TUT7: variants seen among roughly 807,000 people sequenced by gnomAD.
TUT7 encodes the protein terminal uridylyltransferase 7.
In TUT7, 33 loss-of-function variants were observed where a neutral mutation model predicts 165.9. The observed-to-expected ratio is 0.20, with a 90% CI of 0.15 to 0.27. The LOEUF is 0.27. Ranked by LOEUF, TUT7 falls within the 10% of genes least tolerant of loss-of-function variation. TUT7 has a pLI of 1.00. For missense variants in TUT7, 1,338 were observed against 1,762.3 expected (o/e 0.76, Z 4.31); for synonymous variants, 552 against 608.1 (o/e 0.91, Z 1.36).
intron 5 of TUT7, 162 bp downstream of exon 5, chr9:86,344,815 T>C (rs955689489): frequency 1.6e-6 from 1 of 642,704 alleles, no homozygotes; most frequent in Non-Finnish European, 2.6e-6. Flanking sequence ...AAGTCCTTGT[T>C]ACCTTAGGGA....
At chr9:86,289,026 C>G (rs1825721909) in intron 26 of TUT7, among the ~76,000 whole-genome samples, 1 of 152,156 alleles carries the variant, frequency 6.6e-6, no homozygotes, top group Non-Finnish European at 1.5e-5. Flanking sequence ...GTACAGAGCA[C>G]CAGACGAACT....
At chr9:86,324,968 A>G (rs527546517) in intron 12 of TUT7, among the ~76,000 whole-genome samples, 2 of 152,364 alleles carry the variant, frequency 1.3e-5, no homozygotes, top group South Asian at 4.1e-4. Flanking sequence ...AACAACTTCA[A>G]CAATCCACAA....
At chr9:86,339,336 G>A (rs896040030) in intron 8 of TUT7, among the ~76,000 whole-genome samples, 1 of 152,096 alleles carries the variant, frequency 6.6e-6, no homozygotes, top group Non-Finnish European at 1.5e-5. Flanking sequence ...ACCATCCTGG[G>A]TGAAACCCTG....
At chr9:86,299,075 G>A (rs1826639801) in intron 26 of TUT7, among the ~76,000 whole-genome samples, 1 of 152,110 alleles carries the variant, frequency 6.6e-6, no homozygotes. Flanking sequence ...GTCAGCCAGA[G>A]GAAGGAGGGC....
chr9:86,304,771 A>G, intron 24 of TUT7, 85 bp downstream of exon 24: 1 of 839,014 alleles, frequency 1.2e-6, no homozygotes, highest in Non-Finnish European at 1.9e-6. Flanking sequence ...AGACTTTCTA[A>G]ATATTTAAGT....
rs762127904 is a variant in TUT7 at position 86,323,850 on chromosome 9, T to C, written c.1900A>G (p.Lys634Glu). Residue 634 changes from lysine (K) to glutamate (E), a missense_variant, in exon 13 of 27, where the codon AAA (lysine) becomes GAA (glutamate). By Grantham distance (56) the Lys-to-Glu change is moderately conservative (BLOSUM62 1). Transcript: ENST00000375963. Reference sequence around the variant, plus strand: ...TTTAGAAGGCTGGATTTTGTAATTTTGTGTGGAAGAGCAAAATACTTGTAT... The same window carrying C: ...TTTAGAAGGCTGGATTTTGTAATTTCGTGTGGAAGAGCAAAATACTTGTAT... The part of the protein sequence containing the change: ...TTYKYFALPH[K>E]ITKSSLLKPL... The C allele has an allele frequency of 5.0e-6, 8 of 1,614,034 alleles. No individual in the cohort carries two copies. The highest frequency in any genetic ancestry group is 5.1e-6 in the Non-Finnish European group (6 of 1,180,012).
chr9:86,309,553 A>C lies in TUT7; in HGVS notation c.3492T>G (p.Ser1164=). The C allele has an allele frequency of 6.2e-7, 1 of 1,612,594 alleles. No individual in the cohort carries two copies. Among genetic ancestry groups the C allele is most frequent in the Non-Finnish European group, 8.5e-7 (1 of 1,179,578 alleles). ...FTKMCDIGDA[S]RGSLSSYAYT... ...ATGCATACGATGATAAGCTGCCTCT[A>C]GATGCATCACCAATATCACACATCT... is the stretch of plus-strand genomic sequence containing the variant. Residue 1164 remains serine, a synonymous_variant, in exon 20 of 27, where the codon TCT becomes TCG. Transcript: ENST00000375963.
In TUT7 at chr9:86,311,211, A is replaced by G. The variant is rs1828017925; in HGVS notation, c.3275-402T>C. ...TGTGACTATATCTAATTTGGAGAAC[A>G]GCCTAAGGGACGATTATCCTCCAAA... On this transcript the variant is annotated intron_variant, in intron 17 of 26. Transcript: ENST00000375963. The surrounding 1 kb of genome is among the most constrained non-coding windows in gnomAD (Gnocchi z 4.4). Among the ~76,000 whole-genome samples the G allele has an allele frequency of 1.3e-5, 2 of 152,248 alleles. No individual in the cohort carries two copies. Among genetic ancestry groups the G allele is most frequent in the Non-Finnish European group, 2.9e-5 (2 of 68,044 alleles).
chr9:86,290,570 G>A (rs529723804), intron 26 of TUT7, among the ~76,000 whole-genome samples: 6 of 152,176 alleles, frequency 3.9e-5, no homozygotes, highest in South Asian at 2.1e-4. Flanking sequence ...TCAGCCAGGC[G>A]GTGGCTCATG....
At chr9:86,348,687 G>T (rs989452032) in intron 2 of TUT7, among the ~76,000 whole-genome samples, 1 of 152,110 alleles carries the variant, frequency 6.6e-6, no homozygotes, top group Non-Finnish European at 1.5e-5. Flanking sequence ...CAGGAGGTGA[G>T]GCTGTGGTGA....
intron 11 of TUT7, among the ~76,000 whole-genome samples, chr9:86,327,247 T>C (rs1829874395): frequency 6.6e-6 from 1 of 152,218 alleles, no homozygotes; most frequent in Non-Finnish European, 1.5e-5. Flanking sequence ...TACCATAACA[T>C]GAAACTGGAG....
At chr9:86,297,973 C>T (rs2131284503) in intron 26 of TUT7, among the ~76,000 whole-genome samples, 1 of 124,486 alleles carries the variant, frequency 8.0e-6, no homozygotes, top group South Asian at 2.8e-4. Context: ...AATCCTGTTC[C>T]ACTCCTGCCA....
intron 10 of TUT7, among the ~76,000 whole-genome samples, chr9:86,328,811 C>T (rs920619552): frequency 2.6e-5 from 4 of 152,124 alleles, no homozygotes; most frequent in African/African-American, 9.7e-5. Context: ...CCTTCATATA[C>T]TAGCTGTATA....
At chr9:86,328,683 A>G (rs1417852164) in intron 10 of TUT7, among the ~76,000 whole-genome samples, 191 bp from the exon 11 acceptor site, 3 of 152,256 alleles carry the variant, frequency 2.0e-5, no homozygotes, top group African/African-American at 7.2e-5. Flanking sequence ...TTGATTTGCA[A>G]AAGAAATGGT....
In TUT7 at chr9:86,339,943, A is replaced by G. The variant is rs1427093823; in HGVS notation, c.1208+93T>C. On this transcript the variant is annotated intron_variant, in intron 8 of 26. Coordinates refer to ENST00000375963, the MANE Select transcript of TUT7 (RefSeq NM_024617.4). ...TGTGTGATAACCAAATAAAAAGCTT[A>G]TAATTCTAGAAATTGGACATTAAGA... 4.1e-6 allele frequency: 4 copies of G among 971,260 alleles called. No homozygotes were observed. In the South Asian group the frequency reaches 4.1e-5, roughly 10 times the overall value. The allele number at this position is 971,260 out of a possible 1,614,324, so 60.2% of individuals were successfully genotyped here.
intron 26 of TUT7, chr9:86,298,670 T>G (rs1207046546): frequency 1.8e-6 from 1 of 546,608 alleles, no homozygotes; most frequent in Non-Finnish European, 2.3e-6. Context: ...CAATCCCTGT[T>G]AAAAGCACAT....
At chr9:86,289,167 T>C (rs575548493) in intron 26 of TUT7, among the ~76,000 whole-genome samples, 27 of 152,320 alleles carry the variant, frequency 1.8e-4, no homozygotes, top group Admixed American at 3.3e-4. Flanking sequence ...ATGGTAATCA[T>C]TGTAGCAATA....
chr9:86,294,674 A>C (rs1275958725), intron 26 of TUT7, among the ~76,000 whole-genome samples: 2 of 151,680 alleles, frequency 1.3e-5, no homozygotes, highest in African/African-American at 4.8e-5. Flanking sequence ...TAGGGAAAAA[A>C]TCTCATCTTT....
chr9:86,328,535 C>A, intron 10 of TUT7, 43 bp from the exon 11 acceptor site: 1 of 1,532,680 alleles, frequency 6.5e-7, no homozygotes, highest in Non-Finnish European at 8.8e-7. Context: ...TAGAAATAAT[C>A]TTATATCAAA....
Sources: allele counts gnomAD v4.1 joint callset (sites outside exome capture counted in the v4.1 genomes callset), GRCh38; gene constraint gnomAD v4.1.1; non-coding constraint Gnocchi (gnomAD v3.1); transcripts MANE v1.5; gene names NCBI Gene and HGNC (gene_info 2026-07-23, HGNC 2026-07-21).